The following ARID1B variants were observed in gnomAD, a reference collection of about 807,000 sequenced individuals.
ARID1B encodes AT-rich interactive domain-containing protein 1B.
Under a neutral mutation model 212.3 loss-of-function variants are expected in ARID1B, and 30 were observed. The observed-to-expected ratio is 0.14, with a 90% CI of 0.11 to 0.19. ARID1B has a LOEUF of 0.19. Among genes scored for constraint, ARID1B ranks in the 10% least tolerant of loss-of-function variants. The pLI, the probability that ARID1B is intolerant of heterozygous loss-of-function variation, is 1.00. For missense variants in ARID1B, 2,891 were observed against 3,204.0 expected (o/e 0.90, Z 2.36); for synonymous variants, 1,402 against 1,301.7 (o/e 1.08, Z -1.66).
chr6:156,814,564 C>A (rs151188654), intron 1 of ARID1B, among the ~76,000 whole-genome samples: 19 of 152,262 alleles, frequency 1.2e-4, no homozygotes, highest in African/African-American at 4.6e-4. Flanking sequence ...TATATTATGC[C>A]TTTGAAAACA....
At chr6:157,106,618 T>C (rs1186338267) in intron 5 of ARID1B, among the ~76,000 whole-genome samples, 1 of 152,232 alleles carries the variant, frequency 6.6e-6, no homozygotes, top group Non-Finnish European at 1.5e-5. Context: ...GGGAGTTTAA[T>C]TATATCTGCA....
Position 157,163,378 on chromosome 6 carries a change from G to A in ARID1B, c.3090-3662G>A, listed in dbSNP as rs187116191. Among the ~76,000 whole-genome samples the A allele has an allele frequency of 2.0e-4, 31 of 152,332 alleles. 1 individual carries two copies. In the South Asian group the frequency reaches 3.1e-3, roughly 15 times the overall value. ...GTTAGTTAGGGCGGCAGCCATCTTAGGAGTCCATCCACAGCCCGCTGTCTC... is the reference window on the plus strand; with the variant it reads ...GTTAGTTAGGGCGGCAGCCATCTTAAGAGTCCATCCACAGCCCGCTGTCTC... On this transcript the variant is annotated intron_variant, in intron 8 of 19. Coordinates refer to ENST00000636930, the MANE Select transcript of ARID1B (RefSeq NM_001374828.1).
At position 157,044,765 on chromosome 6, in the gene ARID1B, T is replaced by C. The variant is rs1782117142; in HGVS notation, c.2248-39897T>C. On this transcript the variant is annotated intron_variant, in intron 4 of 19. Coordinates refer to ENST00000636930, the MANE Select transcript of ARID1B (RefSeq NM_001374828.1). ...GCCATGTGTGGCTATTTAAAGTATTTAAAGCTAAATCAAATTCAAATATCA... is the reference window on the plus strand; with the variant it reads ...GCCATGTGTGGCTATTTAAAGTATTCAAAGCTAAATCAAATTCAAATATCA... 2.0e-5 allele frequency among the ~76,000 whole-genome samples: 3 copies of C among 152,212 alleles called. No individual in the cohort carries two copies. The South Asian group carries it at 6.3e-4, about 32-fold the overall frequency.
chr6:157,161,700 C>T (rs971407503), intron 8 of ARID1B, among the ~76,000 whole-genome samples: 3 of 152,108 alleles, frequency 2.0e-5, no homozygotes, highest in Non-Finnish European at 4.4e-5. Flanking sequence ...TAAAGTAACA[C>T]ATTTAGAAAT....
intron 3 of ARID1B, among the ~76,000 whole-genome samples, chr6:156,926,816 G>C (rs578005465): frequency 6.6e-6 from 1 of 152,188 alleles, no homozygotes; most frequent in African/African-American, 2.4e-5. Context: ...CGAGTAGCTG[G>C]GATTACAGGC....
intron 3 of ARID1B, among the ~76,000 whole-genome samples, chr6:156,909,017 G>A (rs920112821): frequency 7.3e-5 from 11 of 150,870 alleles, no homozygotes; most frequent in South Asian, 2.1e-4. Context: ...CTCCTCTTCC[G>A]ACTTTCTTCA....
At chr6:156,876,785 T>C (rs1356072361) in intron 2 of ARID1B, among the ~76,000 whole-genome samples, 3 of 152,228 alleles carry the variant, frequency 2.0e-5, no homozygotes, top group African/African-American at 7.2e-5. Flanking sequence ...GTTATCGCCC[T>C]CCTACTTCCA....
chr6:157,064,502 C>G lies in ARID1B; in HGVS notation c.2248-20160C>G, dbSNP rs118046360. Among the ~76,000 whole-genome samples, 764 of 140,154 alleles carry G rather than the reference C, an allele frequency of 5.5e-3. 2 individuals are homozygous for G. Among genetic ancestry groups the G allele is most frequent in the Non-Finnish European group, 8.3e-3 (537 of 64,916 alleles). 91.9% of individuals were successfully genotyped at this position (140,154 alleles called of 152,430 possible). A position where few individuals can be genotyped will look rare whatever the true frequency, so the allele number is the denominator to read the frequency against. ...TGAGTGTATTGTTGTTCCCAGTGAA[C>G]AGTGAAGACTTGATTTGTTTAATTT... On this transcript the variant is annotated intron_variant, in intron 4 of 19. Transcript: ENST00000636930.
chr6:156,976,740 G>A (rs895211650), intron 4 of ARID1B: 5 of 486,948 alleles, frequency 1.0e-5, no homozygotes, highest in African/African-American at 3.9e-5. Context: ...AACACTCACC[G>A]TGAAGGTCCG....
Position 156,779,408 on chromosome 6 carries a change from G to A in ARID1B, c.1728G>A (p.Ala576=), listed in dbSNP as rs2115004901. ...CTGCCAGCCCGGCCTGGGCGGCCGC[G>A]CAACAAAGGAGTCACCCGGCGATGA... ...YAAASPAWAA[A]QQRSHPAMSP... The change falls in exon 1 of 20, where the codon GCG becomes GCA. Residue 576 remains alanine, a synonymous_variant. Coordinates refer to ENST00000636930, the MANE Select transcript of ARID1B (RefSeq NM_001374828.1). 6.9e-7 allele frequency: 1 copy of A among 1,449,668 alleles called. No homozygotes were observed. The highest frequency in any genetic ancestry group is 9.1e-7 in the Non-Finnish European group (1 of 1,097,870). 89.8% of individuals were successfully genotyped at this position (1,449,668 alleles called of 1,614,324 possible).
intron 11 of ARID1B, among the ~76,000 whole-genome samples, chr6:157,178,109 G>A (rs1031239296): frequency 3.3e-5 from 5 of 152,160 alleles, no homozygotes; most frequent in African/African-American, 7.2e-5. Flanking sequence ...GGCAGCGGAC[G>A]CAACCTCTTG....
intron 4 of ARID1B, among the ~76,000 whole-genome samples, chr6:156,981,354 A>G (rs1777592835): frequency 6.6e-6 from 1 of 152,212 alleles, no homozygotes; most frequent in Non-Finnish European, 1.5e-5. Context: ...GCATTCAGAA[A>G]CAAAAAGGAG....
chr6:157,055,452 C>G (rs929445237), intron 4 of ARID1B, among the ~76,000 whole-genome samples: 1 of 152,302 alleles, frequency 6.6e-6, no homozygotes. Flanking sequence ...CAAATATCAC[C>G]TTAAATTTCA....
chr6:156,991,493 A>G (rs1340195572), intron 4 of ARID1B, among the ~76,000 whole-genome samples: 6 of 152,076 alleles, frequency 3.9e-5, no homozygotes, highest in Admixed American at 3.3e-4. Flanking sequence ...CAGCCTCCCA[A>G]AGTGCTGGGA....
At chr6:157,117,890 A>G (rs1421830465) in intron 6 of ARID1B, among the ~76,000 whole-genome samples, 1 of 152,076 alleles carries the variant, frequency 6.6e-6, no homozygotes, top group African/African-American at 2.4e-5. Flanking sequence ...ATGCATTTCC[A>G]TGACTGCACA....
chr6:157,127,837 C>G (rs538122423), intron 6 of ARID1B, among the ~76,000 whole-genome samples: 15 of 150,652 alleles, frequency 1.0e-4, no homozygotes, highest in African/African-American at 3.7e-4. Flanking sequence ...TGGTGCACAC[C>G]TGTAGTCCCA....
chr6:156,901,547 G>GC (rs770473624), intron 3 of ARID1B, 22 bp downstream of exon 3: 1 of 1,605,430 alleles, frequency 6.2e-7, no homozygotes, highest in Admixed American at 1.7e-5. Context: ...GCACTGCCCC[G>GC]CAGGGCCCTG....
At chr6:156,821,797 A>G (rs924860749) in intron 1 of ARID1B, among the ~76,000 whole-genome samples, 2 of 152,204 alleles carry the variant, frequency 1.3e-5, no homozygotes, top group African/African-American at 4.8e-5. Flanking sequence ...TGAGGGTTCC[A>G]TGGTTCCACA....
At chr6:157,176,579 C>T (rs757807025) in intron 11 of ARID1B, among the ~76,000 whole-genome samples, 9 of 152,190 alleles carry the variant, frequency 5.9e-5, no homozygotes, top group Non-Finnish European at 1.2e-4. Flanking sequence ...GGTGCGGTGG[C>T]TCACGCCTAT....
Sources: gnomAD v4.1 joint callset for allele counts (sites outside exome capture counted in the v4.1 genomes callset) on GRCh38, gnomAD v4.1.1 for gene constraint, MANE v1.5 for transcripts, NCBI Gene and HGNC (gene_info 2026-07-23, HGNC 2026-07-21) for gene names.